The following RBMS1 variants were observed in gnomAD, a reference collection of about 807,000 sequenced individuals.
The protein encoded by RBMS1 is RNA-binding motif, single-stranded-interacting protein 1.
In RBMS1, 17 loss-of-function variants were observed where a neutral mutation model predicts 62.3. The observed-to-expected ratio is 0.27, with a 90% CI of 0.19 to 0.41. The LOEUF is 0.41. Ranked by LOEUF, RBMS1 falls within the 10% of genes least tolerant of loss-of-function variation. The probability of loss-of-function intolerance (pLI) is 1.00; values close to 1 mark genes in which losing one functional copy is unlikely to be tolerated. For synonymous variants in RBMS1, 172 were observed against 170.0 expected (o/e 1.01, Z -0.09); for missense variants, 334 against 504.5 (o/e 0.66, Z 3.24).
intron 11 of RBMS1, chr2:160,278,223 A>G (rs1448889606): frequency 9.7e-6 from 3 of 308,610 alleles, no homozygotes; most frequent in Non-Finnish European, 1.8e-5. Flanking sequence ...ACCATCTTGT[A>G]TTACCTTCGT....
intron 2 of RBMS1, among the ~76,000 whole-genome samples, chr2:160,352,395 G>C (rs985480118): frequency 6.6e-6 from 1 of 152,088 alleles, no homozygotes; most frequent in African/African-American, 2.4e-5. Flanking sequence ...TACCAAATTA[G>C]GCTCTGAAGA....
At chr2:160,416,267 C>G (rs569920867) in intron 1 of RBMS1, 1 of 152,032 alleles carries the variant, frequency 6.6e-6, no homozygotes, top group Admixed American at 6.6e-5. Context: ...TCCCAGAACG[C>G]TGACAACATA....
intron 1 of RBMS1, among the ~76,000 whole-genome samples, chr2:160,380,879 T>C (rs1694255235): frequency 6.6e-6 from 1 of 152,144 alleles, no homozygotes; most frequent in Admixed American, 6.5e-5. Context: ...TACATAAAAA[T>C]TGCTCAAATT....
chr2:160,342,536 TTATATA>T (rs141254006), intron 2 of RBMS1, among the ~76,000 whole-genome samples: 4 of 150,384 alleles, frequency 2.7e-5, no homozygotes, highest in African/African-American at 9.8e-5. Context: ...TCAACAGACT[TTATATA>T]TATATATATG....
chr2:160,323,203 C>T (rs376611824), intron 2 of RBMS1, among the ~76,000 whole-genome samples: 10 of 150,664 alleles, frequency 6.6e-5, no homozygotes, highest in Non-Finnish European at 1.0e-4. Flanking sequence ...CAGCCAGGCA[C>T]GGTGGCTCAC....
chr2:160,376,678 T>C (rs1399491467), intron 1 of RBMS1, among the ~76,000 whole-genome samples: 1 of 152,102 alleles, frequency 6.6e-6, no homozygotes, highest in Non-Finnish European at 1.5e-5. Context: ...CTCTGCCTCA[T>C]GGGCTGGAAT....
intron 6 of RBMS1, among the ~76,000 whole-genome samples, chr2:160,292,416 C>G (rs188517332): frequency 1.1e-4 from 16 of 152,246 alleles, no homozygotes; most frequent in Admixed American, 8.5e-4. Flanking sequence ...CTCTTGTTTT[C>G]AAATGAAGAA....
rs541071234 is a variant in RBMS1, at chr2:160,439,338, C to G, written c.75+53951G>C. On this transcript the variant is annotated intron_variant, in intron 1 of 13. Coordinates refer to ENST00000348849, the MANE Select transcript of RBMS1 (RefSeq NM_016836.4). ...GCGGAAGGGCTCCTCACTTCTCAGACGGGGCGGTTGCCAGGCAGAGGGTCT... is the reference window on the plus strand; with the variant it reads ...GCGGAAGGGCTCCTCACTTCTCAGAGGGGGCGGTTGCCAGGCAGAGGGTCT... Among the ~76,000 whole-genome samples, 226 of 147,694 alleles carry G rather than the reference C, an allele frequency of 1.5e-3. 1 individual carries two copies. The highest frequency in any genetic ancestry group is 5.5e-3 in the African/African-American group (217 of 39,746).
At chr2:160,487,956 T>C (rs1440127515) in intron 1 of RBMS1, among the ~76,000 whole-genome samples, 1 of 152,214 alleles carries the variant, frequency 6.6e-6, no homozygotes, top group Non-Finnish European at 1.5e-5. Context: ...ATTCACATAA[T>C]TTTGTTAAGG....
At chr2:160,355,035 T>C (rs1692720895) in intron 2 of RBMS1, among the ~76,000 whole-genome samples, 1 of 152,250 alleles carries the variant, frequency 6.6e-6, no homozygotes. Flanking sequence ...AGTCTCCAGT[T>C]TGAAGTCAAA....
intron 1 of RBMS1, among the ~76,000 whole-genome samples, chr2:160,448,300 C>T (rs1683754942): frequency 6.6e-6 from 1 of 151,132 alleles, no homozygotes; most frequent in Non-Finnish European, 1.5e-5. Context: ...CCTCCCCCTC[C>T]CCCTCTCCCG....
chr2:160,284,630 C>A lies in RBMS1; in HGVS notation c.900+145G>T, dbSNP rs146070113. 470 of 677,992 alleles carry A rather than the reference C, an allele frequency of 6.9e-4. 5 individuals carry two copies. In the African/African-American group the frequency reaches 7.2e-3, roughly 10 times the overall value. 42.0% of individuals were successfully genotyped at this position (677,992 alleles called of 1,614,324 possible). A position where few individuals can be genotyped will look rare whatever the true frequency, so the allele number is the denominator to read the frequency against. On this transcript the variant is annotated intron_variant, in intron 9 of 13. Transcript: ENST00000348849. ...ATAAATTGCTCTGCCAAATACAAAG[C>A]AGCTCATACTAAATTGGGTATCCAA...
intron 1 of RBMS1, among the ~76,000 whole-genome samples, chr2:160,399,109 C>T (rs1695307101): frequency 6.6e-6 from 1 of 152,192 alleles, no homozygotes; most frequent in Non-Finnish European, 1.5e-5. Flanking sequence ...CAAATCTTTG[C>T]TGAATCAATG....
At chr2:160,438,534 T>A (rs1008779216) in intron 1 of RBMS1, among the ~76,000 whole-genome samples, 4 of 152,168 alleles carry the variant, frequency 2.6e-5, no homozygotes, top group African/African-American at 7.2e-5. Flanking sequence ...CATTCAACCC[T>A]GAGTGGACAC....
intron 2 of RBMS1, among the ~76,000 whole-genome samples, chr2:160,339,927 G>T (rs1295994245): frequency 6.6e-6 from 1 of 152,136 alleles, no homozygotes; most frequent in Non-Finnish European, 1.5e-5. Context: ...AGCCTGTACT[G>T]TTCAGGTTCT....
rs1031354441 is a variant in RBMS1, at chr2:160,404,999, T to C, written c.76-37608A>G. ...TCCTGGCTCTGCACTTTGAGTTGAA[T>C]AGACTTTGGGCAATTTGCTTAATCT... is the stretch of plus-strand genomic sequence containing the variant. On this transcript the variant is annotated intron_variant, in intron 1 of 13. Coordinates refer to ENST00000348849, the MANE Select transcript of RBMS1 (RefSeq NM_016836.4). Among the ~76,000 whole-genome samples, 4 of 152,236 alleles carry C rather than the reference T, an allele frequency of 2.6e-5. No individual in the cohort carries two copies. The South Asian group carries it at 6.2e-4, about 24-fold the overall frequency.
rs771227904 is a variant in RBMS1, at chr2:160,475,613, T to TCC, written c.75+17674_75+17675dup. 2.6e-5 allele frequency among the ~76,000 whole-genome samples: 4 copies of TCC among 152,164 alleles called. 1 individual carries two copies. In the East Asian group the frequency reaches 5.8e-4, roughly 22 times the overall value. ...GACCTGCCAACACATTTGTAAACATTCCTTAAATACCAAGTTTGCGTATGT... is the reference window on the plus strand; with the variant it reads ...GACCTGCCAACACATTTGTAAACATTCCCCTTAAATACCAAGTTTGCGTATGT... On this transcript the variant is annotated intron_variant, in intron 1 of 13. Transcript: ENST00000348849.
chr2:160,333,076 C>G (rs61682180), intron 2 of RBMS1, among the ~76,000 whole-genome samples: 18,435 of 151,846 alleles, frequency 0.12, 1,259 homozygotes, highest in East Asian at 0.26. Flanking sequence ...TAAGGCAACC[C>G]AGGTGGAGGT....
intron 1 of RBMS1, among the ~76,000 whole-genome samples, chr2:160,460,282 C>T (rs1684406453): frequency 6.6e-6 from 1 of 152,214 alleles, no homozygotes; most frequent in South Asian, 2.1e-4. Context: ...AGGTGGTGAG[C>T]AGCCTGGGTG....
Sources: allele counts gnomAD v4.1 joint callset (sites outside exome capture counted in the v4.1 genomes callset), GRCh38; gene constraint gnomAD v4.1.1; transcripts MANE v1.5; gene names NCBI Gene and HGNC (gene_info 2026-07-23, HGNC 2026-07-21).